Variants in NR4A1 observed in about 807,000 individuals in gnomAD.
The protein encoded by NR4A1 is nuclear receptor subfamily 4 group A member 1.
A neutral mutation model predicts 47.5 loss-of-function variants in NR4A1; 24 were observed. The ratio of observed to expected loss-of-function variants is 0.50; its 90% confidence interval spans 0.37 to 0.71. The LOEUF (loss-of-function observed/expected upper bound fraction) is 0.71, where lower values mean the gene tolerates loss of function less well. Among genes scored for constraint, NR4A1 ranks in the 30% least tolerant of loss-of-function variants. The pLI is 0.00. For missense variants in NR4A1, 669 were observed against 788.6 expected (o/e 0.85, Z 1.82); for synonymous variants, 353 against 345.7 (o/e 1.02, Z -0.24).
At chr12:52,041,752 C>T in intron 1 of NR4A1, 1 of 1,259,208 alleles carries the variant, frequency 7.9e-7, no homozygotes, top group South Asian at 3.2e-5. Flanking sequence ...CATGCTGTCT[C>T]CAGGGAATGT....
intron 1 of NR4A1, chr12:52,038,101 G>T: frequency 1.0e-6 from 1 of 966,734 alleles, no homozygotes. Context: ...GTCTCGCTCT[G>T]TTGCCCAGGC....
chr12:52,049,117 A>G (rs1242591172), upstream of NR4A1, among the ~76,000 whole-genome samples: 1 of 152,148 alleles, frequency 6.6e-6, no homozygotes, highest in Non-Finnish European at 1.5e-5. Flanking sequence ...TGCCATCAGC[A>G]TTACAGTCAC....
At chr12:52,038,061 G>GC (rs1250541178) in intron 1 of NR4A1, 47 of 937,150 alleles carry the variant, frequency 5.0e-5, no homozygotes, top group South Asian at 3.6e-4. Context: ...CCCCCCCAAC[G>GC]CCCCCCCTTT....
chr12:52,050,811 C>T (rs905908512), upstream of NR4A1, among the ~76,000 whole-genome samples: 1 of 152,150 alleles, frequency 6.6e-6, no homozygotes, highest in Non-Finnish European at 1.5e-5. Flanking sequence ...GAGGTGAGGG[C>T]GCAGGCTCCC....
upstream of NR4A1, among the ~76,000 whole-genome samples, chr12:52,048,175 CAA>C (rs755974918): frequency 6.6e-6 from 1 of 151,526 alleles, no homozygotes; most frequent in Non-Finnish European, 1.5e-5. Context: ...AAACAAAAAA[CAA>C]AAAAAGAGCT....
chr12:52,054,534 A>G lies in NR4A1; in HGVS notation c.206A>G (p.Tyr69Cys), dbSNP rs990716072. The G allele has an allele frequency of 1.9e-6, 3 of 1,613,706 alleles. No homozygotes were observed. The highest frequency in any genetic ancestry group is 1.3e-5 in the African/African-American group (1 of 74,816). ...GYTGEFDTFL[Y>C]QLPGTVQPCS... is the part of the protein sequence containing the mutation. ...ACAGGAGAGTTTGACACCTTCCTCT[A>G]CCAGCTGCCAGGAACAGTCCAGCCA... The change falls in exon 2 of 7, where the codon TAC becomes TGC. Residue 69 changes from tyrosine to cysteine, a missense_variant. Transcript: ENST00000394825.
chr12:52,058,155 A>G (rs746793823), intron 6 of NR4A1, among the ~76,000 whole-genome samples: 4 of 152,120 alleles, frequency 2.6e-5, no homozygotes, highest in Non-Finnish European at 5.9e-5. Flanking sequence ...TGCAGATCAG[A>G]TTGGTTGTGC....
chr12:52,048,143 T>C (rs927894462), upstream of NR4A1, among the ~76,000 whole-genome samples: 1 of 148,302 alleles, frequency 6.7e-6, no homozygotes, highest in African/African-American at 2.5e-5. Context: ...GACAGCACCA[T>C]CTCAAAAACA....
At chr12:52,050,663 T>C (rs1439965763), upstream of NR4A1, among the ~76,000 whole-genome samples, 1 of 152,188 alleles carries the variant, frequency 6.6e-6, no homozygotes, top group African/African-American at 2.4e-5. Context: ...GGCCAACGCC[T>C]GCCCTCGGGA....
rs764874851 is a variant in NR4A1 at position 52,056,494 on chromosome 12, T to G, written c.1007T>G (p.Val336Gly). 1.2e-6 allele frequency: 2 copies of G among 1,612,666 alleles called. No homozygotes were observed. The highest frequency in any genetic ancestry group is 1.7e-6 in the Non-Finnish European group (2 of 1,179,534). Residue 336 changes from valine (V) to glycine (G), a missense_variant and splice_region_variant, in exon 4 of 7, where the codon GTT (valine) becomes GGT (glycine). Transcript: ENST00000394825. The stretch of plus-strand genomic sequence containing the variant: ...CTCACCCCTACCCATTCCTTTGCAG[T>G]TGTCCGAACAGACAGCCTGAAGGGG... ...KCLAVGMVKE[V>G]VRTDSLKGRR... is the part of the protein sequence containing the mutation.
chr12:52,047,129 G>C (rs1165605377), upstream of NR4A1, among the ~76,000 whole-genome samples: 1 of 152,100 alleles, frequency 6.6e-6, no homozygotes, highest in East Asian at 1.9e-4. Context: ...CCTGTCTCTA[G>C]TTTTGGATAC....
rs151059779 is a variant in NR4A1, at chr12:52,056,725, C to A, written c.1158+80C>A. 8.4e-5 allele frequency: 119 copies of A among 1,411,330 alleles called. No homozygotes were observed. In the African/African-American group the frequency reaches 1.6e-3, roughly 19 times the overall value. 87.4% of individuals were successfully genotyped at this position (1,411,330 alleles called of 1,614,324 possible). ...TTTGTGCGTGTTAGGAGAGCTACCC[C>A]CTCTGGAAGGACTGAATGAGAAAGG... On this transcript the variant is annotated intron_variant, in intron 4 of 6. Transcript: ENST00000394825.
intron 1 of NR4A1, among the ~76,000 whole-genome samples, chr12:52,036,514 C>T (rs1938239916): frequency 6.6e-6 from 1 of 152,240 alleles, no homozygotes; most frequent in Admixed American, 6.5e-5. Flanking sequence ...GACGAGGAAG[C>T]TGAGGCTCAG....
At chr12:52,050,581 T>C (rs113829678), upstream of NR4A1, among the ~76,000 whole-genome samples, 317 of 152,298 alleles carry the variant, frequency 2.1e-3, 5 homozygotes, top group African/African-American at 7.2e-3. Context: ...TGTAAGGGGC[T>C]GGGGAGGGGA....
intron 1 of NR4A1, among the ~76,000 whole-genome samples, chr12:52,024,563 TA>T (rs1240281992): frequency 6.6e-6 from 1 of 152,116 alleles, no homozygotes; most frequent in Non-Finnish European, 1.5e-5. Flanking sequence ...TGAGTGTCTG[TA>T]GTCCCAGCTA....
At position 52,058,803 on chromosome 12, in the gene NR4A1, G is replaced by A. The variant is rs1939411547; in HGVS notation, c.1656G>A (p.Leu552=). The change falls in exon 7 of 7, where the codon CTG becomes CTA. Residue 552 remains leucine (L), a synonymous_variant. Transcript: ENST00000394825. ...VAGEPQPASC[L]SRLLGKLPEL... The stretch of plus-strand genomic sequence containing the variant: ...GCGAGCCCCAGCCAGCCAGCTGCCT[G>A]TCACGTCTGTTGGGCAAACTGCCCG... 1 of 1,613,498 alleles carries A rather than the reference G, an allele frequency of 6.2e-7. No individual in the cohort carries two copies. Among genetic ancestry groups the A allele is most frequent in the East Asian group, 2.2e-5 (1 of 44,870 alleles).
intron 1 of NR4A1, among the ~76,000 whole-genome samples, chr12:52,026,811 C>T (rs1354679631): frequency 6.6e-6 from 1 of 151,986 alleles, no homozygotes; most frequent in Non-Finnish European, 1.5e-5. Flanking sequence ...CCAAACTAGG[C>T]CTGCAGGAGC....
intron 1 of NR4A1, among the ~76,000 whole-genome samples, chr12:52,024,967 T>A (rs867696389): frequency 6.6e-6 from 1 of 152,170 alleles, no homozygotes; most frequent in Middle Eastern, 3.4e-3. Context: ...GGCTCTCCTT[T>A]TGCTTCCTGA....
At chr12:52,052,323 G>C (rs2641521) in intron 1 of NR4A1, among the ~76,000 whole-genome samples, 1 of 146,674 alleles carries the variant, frequency 6.8e-6, no homozygotes. Flanking sequence ...GAGAGAGAGA[G>C]AGAGAAAGAG....
Sources: allele counts gnomAD v4.1 joint callset (sites outside exome capture counted in the v4.1 genomes callset), GRCh38; gene constraint gnomAD v4.1.1; transcripts MANE v1.5; gene names NCBI Gene and HGNC (gene_info 2026-07-23, HGNC 2026-07-21).